NREP: variants seen among roughly 807,000 people sequenced by gnomAD.
The protein encoded by NREP is neuronal regeneration related protein.
A neutral mutation model predicts 8.6 loss-of-function variants in NREP; 5 were observed. The ratio of observed to expected loss-of-function variants is 0.58; its 90% CI spans 0.30 to 1.22. The LOEUF is 1.22. Ranked by LOEUF, NREP falls within the 50% of genes most tolerant of loss-of-function variation. NREP has a pLI of 0.07. For synonymous variants in NREP, 27 were observed against 28.0 expected, an observed-to-expected ratio of 0.96 and a Z score of 0.11; for missense variants, 86 against 82.5, an observed-to-expected ratio of 1.04 and a Z score of -0.17.
intron 2 of NREP, among the ~76,000 whole-genome samples, chr5:111,749,386 G>A (rs769713913): frequency 2.0e-5 from 3 of 151,936 alleles, no homozygotes; most frequent in Non-Finnish European, 4.4e-5. Flanking sequence ...TGCAGCTGAT[G>A]CATTCCAAGG....
chr5:111,815,232 T>C (rs1473190429), intron 2 of NREP, among the ~76,000 whole-genome samples: 2 of 152,270 alleles, frequency 1.3e-5, no homozygotes, highest in East Asian at 3.9e-4. Flanking sequence ...AGGCTTTCAG[T>C]TGATAGTTCA....
intron 2 of NREP, among the ~76,000 whole-genome samples, chr5:111,782,528 T>A (rs542199454): frequency 7.9e-5 from 12 of 152,318 alleles, no homozygotes; most frequent in African/African-American, 2.9e-4. Context: ...TTTAATTTCA[T>A]TTATACTTAA....
chr5:111,869,090 A>G (rs1753730671), intron 2 of NREP, among the ~76,000 whole-genome samples: 1 of 152,208 alleles, frequency 6.6e-6, no homozygotes, highest in South Asian at 2.1e-4. Flanking sequence ...CAAGGTGGGA[A>G]TAATTTGAGC....
At chr5:111,858,950 G>A (rs977475809) in intron 2 of NREP, among the ~76,000 whole-genome samples, 2 of 151,824 alleles carry the variant, frequency 1.3e-5, no homozygotes, top group African/African-American at 4.8e-5. Context: ...CAAAGGGAAA[G>A]GTAATATATG....
At chr5:111,899,397 C>A (rs930835927) in intron 2 of NREP, among the ~76,000 whole-genome samples, 1 of 152,046 alleles carries the variant, frequency 6.6e-6, no homozygotes, top group Non-Finnish European at 1.5e-5. Context: ...TCCTGTAGTA[C>A]TAGCTACTTG....
At chr5:111,856,744 T>G (rs1476912601) in intron 2 of NREP, among the ~76,000 whole-genome samples, 2 of 152,004 alleles carry the variant, frequency 1.3e-5, no homozygotes, top group African/African-American at 4.8e-5. Context: ...TTTTTTTTTT[T>G]AACTTGAAAA....
chr5:111,919,486 A>G (rs1238623662), intron 2 of NREP, among the ~76,000 whole-genome samples: 1 of 152,200 alleles, frequency 6.6e-6, no homozygotes, highest in Non-Finnish European at 1.5e-5. Context: ...ATGCCCATCA[A>G]TGATAGACTG....
intron 2 of NREP, among the ~76,000 whole-genome samples, chr5:111,871,662 C>A (rs9687533): frequency 0.052 from 7,859 of 151,698 alleles, 702 homozygotes; most frequent in African/African-American, 0.18. Context: ...TTAAAAAAAT[C>A]TTTTAAAACA....
At chr5:111,881,522 C>T (rs1381835337) in intron 2 of NREP, among the ~76,000 whole-genome samples, 2 of 152,160 alleles carry the variant, frequency 1.3e-5, no homozygotes, top group African/African-American at 4.8e-5. Context: ...GGGCAGACTG[C>T]CTCCTCAAGT....
At chr5:111,845,238 C>T (rs938138285) in intron 2 of NREP, among the ~76,000 whole-genome samples, 5 of 151,376 alleles carry the variant, frequency 3.3e-5, no homozygotes, top group African/African-American at 4.8e-5. Flanking sequence ...GAATAACAAA[C>T]GTAATGTGAA....
intron 2 of NREP, among the ~76,000 whole-genome samples, chr5:111,781,601 C>T (rs1751494934): frequency 6.6e-6 from 1 of 152,130 alleles, no homozygotes; most frequent in African/African-American, 2.4e-5. Flanking sequence ...TTTAAGCCTC[C>T]ACAGTTTAGG....
Position 111,807,037 on chromosome 5 carries a change from A to G in NREP, c.136-71530T>C, listed in dbSNP as rs187808912. On this transcript the variant is annotated intron_variant, in intron 2 of 3. Transcript: ENST00000395634. ...GGGGAATTTGCAACTTGGAAAGTCT[A>G]TTTTAAAAAAATGTGGGCTGGCAAA... is the stretch of plus-strand genomic sequence containing the variant. Among the ~76,000 whole-genome samples the G allele has an allele frequency of 1.7e-3, 262 of 152,234 alleles. 1 individual carries two copies. Among genetic ancestry groups the G allele is most frequent in the Non-Finnish European group, 2.6e-3 (175 of 67,992 alleles).
In NREP at chr5:111,778,027, G is replaced by A. The variant is rs745935733; in HGVS notation, c.136-42520C>T. On this transcript the variant is annotated intron_variant, in intron 2 of 3. Transcript: ENST00000395634. Reference sequence around the variant, plus strand: ...AACAACTTCTCTGTTTTGCCTGTACGTAGAACAAGCTAAAGAAAGCCCAAG... The same window carrying A: ...AACAACTTCTCTGTTTTGCCTGTACATAGAACAAGCTAAAGAAAGCCCAAG... Among the ~76,000 whole-genome samples the A allele has an allele frequency of 7.2e-5, 11 of 152,110 alleles. No homozygotes were observed. The South Asian group carries it at 8.3e-4, about 11-fold the overall frequency.
intron 2 of NREP, among the ~76,000 whole-genome samples, chr5:111,932,327 C>A (rs1463904980): frequency 1.3e-5 from 2 of 151,970 alleles, no homozygotes; most frequent in African/African-American, 2.4e-5. Context: ...ACAATATACA[C>A]TGAATGGAAT....
chr5:111,909,726 TG>T (rs543910680), intron 2 of NREP, among the ~76,000 whole-genome samples: 63 of 152,238 alleles, frequency 4.1e-4, no homozygotes, highest in African/African-American at 1.1e-3. Context: ...TCCACCTACA[TG>T]TCAAAGTTTT....
At chr5:111,816,745 AAAGT>A (rs1314808763) in intron 2 of NREP, among the ~76,000 whole-genome samples, 2 of 151,850 alleles carry the variant, frequency 1.3e-5, no homozygotes, top group East Asian at 1.9e-4. Context: ...CAAACAAAAA[AAAGT>A]AAGATGATAG....
intron 2 of NREP, among the ~76,000 whole-genome samples, chr5:111,974,791 T>C (rs1166835098): frequency 6.6e-6 from 1 of 152,210 alleles, no homozygotes; most frequent in African/African-American, 2.4e-5. Context: ...TACATACCTA[T>C]AAAATGATAG....
At chr5:111,866,833 A>T (rs1004994630) in intron 2 of NREP, among the ~76,000 whole-genome samples, 6 of 152,074 alleles carry the variant, frequency 3.9e-5, no homozygotes, top group African/African-American at 1.4e-4. Flanking sequence ...TGATGAGTTC[A>T]TGTCCTTTGT....
At chr5:111,971,462 G>A (rs1261106081) in intron 2 of NREP, among the ~76,000 whole-genome samples, 1 of 152,120 alleles carries the variant, frequency 6.6e-6, no homozygotes, top group African/African-American at 2.4e-5. Context: ...CACACTACCT[G>A]ACTTCAAATA....
Sources: gnomAD v4.1 joint callset for allele counts (sites outside exome capture counted in the v4.1 genomes callset) on GRCh38, gnomAD v4.1.1 for gene constraint, MANE v1.5 for transcripts, NCBI Gene and HGNC (gene_info 2026-07-23, HGNC 2026-07-21) for gene names.